Variants in PRXL2A observed in about 807,000 individuals in gnomAD.
PRXL2A encodes peroxiredoxin like 2A.
Under a neutral mutation model 25.6 loss-of-function variants are expected in PRXL2A, and 26 were observed. The observed-to-expected ratio is 1.02, with a 90% CI of 0.74 to 1.41. PRXL2A has a LOEUF of 1.41. Ranked by LOEUF, PRXL2A falls within the 40% of genes most tolerant of loss-of-function variation. The pLI, the probability that PRXL2A is intolerant of heterozygous loss-of-function variation, is 0.00. For missense variants in PRXL2A, 246 were observed against 273.9 expected, an observed-to-expected ratio of 0.90 and a Z score of 0.72; for synonymous variants, 98 against 102.9, an observed-to-expected ratio of 0.95 and a Z score of 0.29.
chr10:80,410,700 A>C (rs1411983357), intron 1 of PRXL2A, among the ~76,000 whole-genome samples: 1 of 152,226 alleles, frequency 6.6e-6, no homozygotes, highest in Non-Finnish European at 1.5e-5. Context: ...TAACTCTCAG[A>C]GTCAAAGAGA....
At chr10:80,425,512 C>T (rs918720361) in intron 3 of PRXL2A, among the ~76,000 whole-genome samples, 1 of 152,174 alleles carries the variant, frequency 6.6e-6, no homozygotes, top group African/African-American at 2.4e-5. Flanking sequence ...GTGGACTAGC[C>T]AGGGAGATCT....
rs113772459 is a variant in PRXL2A, at chr10:80,424,011, G to A, written c.270+1503G>A. 1.9e-3 allele frequency among the ~76,000 whole-genome samples: 283 copies of A among 152,260 alleles called. 2 individuals carry two copies. The highest frequency in any genetic ancestry group is 6.7e-3 in the African/African-American group (277 of 41,552). On this transcript the variant is annotated intron_variant, in intron 3 of 5. Transcript: ENST00000606162. ...CTGGCAAGTCAGCAACAGCATGGAA[G>A]CCTGTTTTGACTTGATTTCTCGGGG...
At chr10:80,424,523 A>G (rs1328573392) in intron 3 of PRXL2A, among the ~76,000 whole-genome samples, 1 of 150,462 alleles carries the variant, frequency 6.6e-6, no homozygotes, top group East Asian at 2.0e-4. Context: ...GTTCAGGGCT[A>G]CAATGAGCTA....
intron 1 of PRXL2A, among the ~76,000 whole-genome samples, chr10:80,418,479 C>T (rs762416418): frequency 6.6e-6 from 1 of 152,018 alleles, no homozygotes; most frequent in Non-Finnish European, 1.5e-5. Flanking sequence ...TGCAGTGCAC[C>T]CCTCACAGCC....
At chr10:80,424,218 C>T (rs141251543) in intron 3 of PRXL2A, among the ~76,000 whole-genome samples, 4 of 151,926 alleles carry the variant, frequency 2.6e-5, no homozygotes, top group African/African-American at 7.2e-5. Flanking sequence ...TCAGTTTCCA[C>T]GTCATGGCTT....
chr10:80,420,173 G>A (rs1294262937), intron 1 of PRXL2A: 2 of 1,050,226 alleles, frequency 1.9e-6, no homozygotes, highest in Admixed American at 1.1e-4. Flanking sequence ...CTTGGGGCAT[G>A]AGAAGAGAGA....
chr10:80,410,696 T>G (rs1844451139), intron 1 of PRXL2A, among the ~76,000 whole-genome samples: 1 of 152,236 alleles, frequency 6.6e-6, no homozygotes, highest in African/African-American at 2.4e-5. Context: ...AAAATAACTC[T>G]CAGAGTCAAA....
intron 1 of PRXL2A, among the ~76,000 whole-genome samples, chr10:80,418,217 A>T (rs973704793): frequency 6.6e-6 from 1 of 151,388 alleles, no homozygotes; most frequent in Admixed American, 6.6e-5. Flanking sequence ...TTCTGTCTTC[A>T]TGTCCATGTA....
At chr10:80,414,721 T>A (rs900382959) in intron 1 of PRXL2A, among the ~76,000 whole-genome samples, 1 of 152,200 alleles carries the variant, frequency 6.6e-6, no homozygotes, top group East Asian at 1.9e-4. Flanking sequence ...GGGAAGTTAC[T>A]GAACTCTGAA....
Position 80,433,721 on chromosome 10 carries a change from A to C in PRXL2A, c.*1622A>C, listed in dbSNP as rs1366777827. The stretch of plus-strand genomic sequence containing the variant: ...TGAGGCCATAGCCTTTGGTACTTGC[A>C]CAGGGTTGGTACCTGTCATCCTTGG... On this transcript the variant is annotated 3_prime_UTR_variant, in exon 6 of 6. Transcript: ENST00000606162. 1 of 152,292 alleles carries C rather than the reference A, an allele frequency of 6.6e-6. No homozygotes were observed. The highest frequency in any genetic ancestry group is 1.5e-5 in the Non-Finnish European group (1 of 68,086). 9.4% of individuals were successfully genotyped at this position (152,292 alleles called of 1,614,324 possible). A position where few individuals can be genotyped will look rare whatever the true frequency, so the allele number is the denominator to read the frequency against.
At chr10:80,416,019 C>G (rs1384354830) in intron 1 of PRXL2A, among the ~76,000 whole-genome samples, 1 of 152,186 alleles carries the variant, frequency 6.6e-6, no homozygotes, top group African/African-American at 2.4e-5. Flanking sequence ...GCTCCTGAGT[C>G]ATAACACAAG....
At chr10:80,422,652 TGA>T in intron 3 of PRXL2A, 144 bp downstream of exon 3, 1 of 562,284 alleles carries the variant, frequency 1.8e-6, no homozygotes, top group Non-Finnish European at 3.0e-6. Context: ...GGTATTTCTT[TGA>T]TTTGTGCTCT....
At chr10:80,422,661 CTCT>C (rs1475992207) in intron 3 of PRXL2A, among the ~76,000 whole-genome samples, 153 bp downstream of exon 3, 2 of 141,506 alleles carry the variant, frequency 1.4e-5, no homozygotes, top group African/African-American at 5.6e-5. Flanking sequence ...TTGATTTGTG[CTCT>C]TTTTTTTTTT....
chr10:80,429,775 C>T (rs1419116816), intron 5 of PRXL2A, among the ~76,000 whole-genome samples: 2 of 152,136 alleles, frequency 1.3e-5, no homozygotes, highest in African/African-American at 4.8e-5. Context: ...CAGTGGATTG[C>T]CCATCCTCTT....
intron 1 of PRXL2A, chr10:80,408,936 C>T: frequency 2.9e-6 from 2 of 689,092 alleles, no homozygotes. Context: ...GCTAGGGCCC[C>T]CTCTGTCCAC....
chr10:80,422,216 C>A (rs76761870), intron 2 of PRXL2A, among the ~76,000 whole-genome samples: 9 of 152,172 alleles, frequency 5.9e-5, no homozygotes, highest in Admixed American at 5.2e-4. Context: ...GATTCTTAAG[C>A]TTGGTTAACT....
intron 1 of PRXL2A, among the ~76,000 whole-genome samples, chr10:80,414,390 G>A (rs1052933494): frequency 6.6e-6 from 1 of 152,136 alleles, no homozygotes; most frequent in African/African-American, 2.4e-5. Flanking sequence ...TTAATGGAAG[G>A]GGGGATAGAA....
Position 80,429,065 on chromosome 10 carries a change from C to A in PRXL2A, c.576+1569C>A, listed in dbSNP as rs191251268. 5.9e-3 allele frequency among the ~76,000 whole-genome samples: 891 copies of A among 152,128 alleles called. 10 individuals carry two copies. Among genetic ancestry groups the A allele is most frequent in the African/African-American group, 0.02 (847 of 41,506 alleles). ...TACAGGCACCCACCACCACACCCAG[C>A]TAATTTTTTTGTATTTTCAGTAGAG... is the stretch of plus-strand genomic sequence containing the variant. On this transcript the variant is annotated intron_variant, in intron 5 of 5. Coordinates refer to ENST00000606162, the MANE Select transcript of PRXL2A (RefSeq NM_032333.5).
Position 80,433,964 on chromosome 10 carries a change from T to G in PRXL2A, c.*1865T>G, listed in dbSNP as rs1845336101. 1 of 152,192 alleles carries G rather than the reference T, an allele frequency of 6.6e-6. No homozygotes were observed. Among genetic ancestry groups the G allele is most frequent in the Non-Finnish European group, 1.5e-5 (1 of 68,072 alleles). The allele number at this position is 152,192 out of a possible 1,614,324, so 9.4% of individuals were successfully genotyped here. ...CTGGCCAGCATGGTGAAACCCCATCTCTACTAAAAATACAAAATATTAGAC... is the reference window on the plus strand; with the variant it reads ...CTGGCCAGCATGGTGAAACCCCATCGCTACTAAAAATACAAAATATTAGAC... On this transcript the variant is annotated 3_prime_UTR_variant, in exon 6 of 6. Coordinates refer to ENST00000606162, the MANE Select transcript of PRXL2A (RefSeq NM_032333.5).
Sources: gnomAD v4.1 joint callset for allele counts (sites outside exome capture counted in the v4.1 genomes callset) on GRCh38, gnomAD v4.1.1 for gene constraint, MANE v1.5 for transcripts, NCBI Gene and HGNC (gene_info 2026-07-23, HGNC 2026-07-21) for gene names.